The following ENTREP2 variants were observed in gnomAD, a reference collection of about 807,000 sequenced individuals.
The protein encoded by ENTREP2 is protein ENTREP2.
the ENTREP2 span, among the ~76,000 whole-genome samples, chr15:29,170,599 AGTGT>A: frequency 4.6e-4 from 68 of 148,644 alleles, no homozygotes; most frequent in African/African-American, 1.8e-3. Flanking sequence ...TGTGTGTGTG[AGTGT>A]GTGTGTGTGC....
chr15:29,124,714 C>T, the ENTREP2 span: 1 of 1,550,728 alleles, frequency 6.4e-7, no homozygotes, highest in Non-Finnish European at 8.7e-7. Context: ...TCAGACAGTC[C>T]CGCTTCCAGG....
At chr15:29,637,556 G>A in the ENTREP2 span, among the ~76,000 whole-genome samples, 4 of 152,190 alleles carry the variant, frequency 2.6e-5, no homozygotes, top group Admixed American at 6.5e-5. Flanking sequence ...CAGAGTGAGT[G>A]AGAGAGTGAG....
At chr15:29,123,077 T>C in the ENTREP2 span, 4 of 441,190 alleles carry the variant, frequency 9.1e-6, no homozygotes, top group East Asian at 1.4e-4. Context: ...AACCAGAGAG[T>C]TCACTGTGGA....
chr15:29,467,377 C>T, the ENTREP2 span, among the ~76,000 whole-genome samples: 769 of 152,302 alleles, frequency 5.0e-3, 7 homozygotes, highest in African/African-American at 0.018. Flanking sequence ...GTCTGTTCAT[C>T]TATCAGTAAA....
At chr15:29,118,325 G>GTGAC in the ENTREP2 span, 1 of 152,366 alleles carries the variant, frequency 6.6e-6, no homozygotes. Flanking sequence ...AGCCGTGTGT[G>GTGAC]TGACTGGTCT....
At chr15:29,190,530 T>C in the ENTREP2 span, among the ~76,000 whole-genome samples, 1 of 152,176 alleles carries the variant, frequency 6.6e-6, no homozygotes, top group South Asian at 2.1e-4. Context: ...ATGAAGAAAG[T>C]TGGTTTCTGC....
chr15:29,499,622 T>C, the ENTREP2 span, among the ~76,000 whole-genome samples: 1 of 152,076 alleles, frequency 6.6e-6, no homozygotes, highest in Non-Finnish European at 1.5e-5. Context: ...GCAATCCTCT[T>C]GCTTTGTCCT....
the ENTREP2 span, among the ~76,000 whole-genome samples, chr15:29,344,664 A>G: frequency 0.68 from 102,608 of 151,632 alleles, 36,642 homozygotes; most frequent in Middle Eastern, 0.82. Context: ...AGTGGGGAGG[A>G]GTGTCCTCTG....
the ENTREP2 span, among the ~76,000 whole-genome samples, chr15:29,340,007 T>C: frequency 1.3e-5 from 2 of 152,258 alleles, no homozygotes; most frequent in Non-Finnish European, 2.9e-5. Flanking sequence ...ATTTCAGAAT[T>C]AGTATTTGTG....
chr15:29,595,067 CAAAAAAAAAA>C, the ENTREP2 span, among the ~76,000 whole-genome samples: 47,442 of 87,038 alleles, frequency 0.55, 10,628 homozygotes, highest in South Asian at 0.63. Flanking sequence ...GACTCCGTCT[CAAAAAAAAAA>C]AAAAAAAAAA....
At chr15:29,400,274 G>T in the ENTREP2 span, among the ~76,000 whole-genome samples, 1 of 152,106 alleles carries the variant, frequency 6.6e-6, no homozygotes, top group African/African-American at 2.4e-5. Flanking sequence ...TTAGAAAAGA[G>T]AATACAATTA....
chr15:29,182,201 T>G, the ENTREP2 span, among the ~76,000 whole-genome samples: 5 of 151,804 alleles, frequency 3.3e-5, no homozygotes, highest in Non-Finnish European at 7.4e-5. Context: ...CTCAGCTCAC[T>G]GCAAGCTCCG....
At chr15:29,371,821 T>C in the ENTREP2 span, among the ~76,000 whole-genome samples, 1 of 151,486 alleles carries the variant, frequency 6.6e-6, no homozygotes, top group Non-Finnish European at 1.5e-5. Flanking sequence ...AAAGAAAACA[T>C]TAGAAAATGT....
the ENTREP2 span, among the ~76,000 whole-genome samples, chr15:29,632,845 G>A: frequency 6.6e-6 from 1 of 152,150 alleles, no homozygotes; most frequent in African/African-American, 2.4e-5. Context: ...TCTACCTGTT[G>A]GTTTTACATC....
the ENTREP2 span, among the ~76,000 whole-genome samples, chr15:29,238,564 G>A: frequency 6.6e-6 from 1 of 152,116 alleles, no homozygotes; most frequent in South Asian, 2.1e-4. Context: ...GAACCTGGAA[G>A]GCGGAGGTTG....
chr15:29,311,793 T>C, the ENTREP2 span, among the ~76,000 whole-genome samples: 77 of 152,340 alleles, frequency 5.1e-4, no homozygotes, highest in Non-Finnish European at 8.1e-4. Context: ...GATTATGAGC[T>C]AGGCCAAGAC....
At chr15:29,513,277 G>A in the ENTREP2 span, among the ~76,000 whole-genome samples, 16,551 of 152,070 alleles carry the variant, frequency 0.11, 1,207 homozygotes, top group African/African-American at 0.21. Context: ...CGGTACACCC[G>A]GCCCAAAGCA....
the ENTREP2 span, among the ~76,000 whole-genome samples, chr15:29,281,554 T>C: frequency 6.6e-6 from 1 of 152,124 alleles, no homozygotes; most frequent in African/African-American, 2.4e-5. Context: ...CATGACTGAG[T>C]AGAGCTAAGC....
chr15:29,498,827 A>G, the ENTREP2 span, among the ~76,000 whole-genome samples: 1 of 152,130 alleles, frequency 6.6e-6, no homozygotes, highest in Non-Finnish European at 1.5e-5. Context: ...TATATTATTT[A>G]CGTGGTCTGA....
Sources: gnomAD v4.1 joint callset for allele counts (sites outside exome capture counted in the v4.1 genomes callset) on GRCh38, gnomAD v4.1.1 for gene constraint, MANE v1.5 for transcripts, NCBI Gene and HGNC (gene_info 2026-07-23, HGNC 2026-07-21) for gene names.